Variants in ASAP2 observed in about 807,000 individuals in gnomAD.
ASAP2 encodes the protein arf-GAP with SH3 domain, ANK repeat and PH domain-containing protein 2.
In ASAP2, 45 loss-of-function variants were observed where a neutral mutation model predicts 131.4. That is an observed-to-expected ratio of 0.34 (90% CI 0.27 to 0.44). The LOEUF (loss-of-function observed/expected upper bound fraction) is 0.44. Ranked by LOEUF, ASAP2 falls within the 20% of genes least tolerant of loss-of-function variation. ASAP2 has a pLI of 1.00. For missense variants in ASAP2, 1,011 were observed against 1,297.0 expected, an observed-to-expected ratio of 0.78 and a Z score of 3.39; for synonymous variants, 510 against 503.0, an observed-to-expected ratio of 1.01 and a Z score of -0.19.
intron 1 of ASAP2, among the ~76,000 whole-genome samples, chr2:9,265,907 G>A (rs1665907197): frequency 6.6e-6 from 1 of 152,114 alleles, no homozygotes; most frequent in African/African-American, 2.4e-5. Context: ...CGAGTAGCTG[G>A]GATTACAGGC....
At chr2:9,279,036 TGG>T (rs1411260963) in intron 1 of ASAP2, among the ~76,000 whole-genome samples, 1 of 152,016 alleles carries the variant, frequency 6.6e-6, no homozygotes, top group Admixed American at 6.6e-5. Context: ...GCAGGTGCTG[TGG>T]GCAGGAGACA....
At chr2:9,208,310 T>G (rs1661282578) in intron 1 of ASAP2, among the ~76,000 whole-genome samples, 1 of 114,320 alleles carries the variant, frequency 8.7e-6, no homozygotes, top group South Asian at 3.0e-4. Context: ...GCAGGTGTTT[T>G]AGCAGAAGAC....
intron 16 of ASAP2, among the ~76,000 whole-genome samples, chr2:9,370,295 G>A (rs1313863542): frequency 2.0e-5 from 3 of 152,208 alleles, no homozygotes; most frequent in African/African-American, 7.2e-5. Context: ...AGTCTTTCAG[G>A]TATCAGGTAT....
intron 1 of ASAP2, among the ~76,000 whole-genome samples, chr2:9,236,572 T>G (rs903851442): frequency 9.2e-5 from 14 of 152,210 alleles, no homozygotes; most frequent in Non-Finnish European, 2.1e-4. Flanking sequence ...GTATAAACAT[T>G]CTTAATGTCT....
chr2:9,335,750 A>G (rs1671164207), intron 9 of ASAP2, among the ~76,000 whole-genome samples: 1 of 152,154 alleles, frequency 6.6e-6, no homozygotes, highest in African/African-American at 2.4e-5. Context: ...TGTTGTGGGG[A>G]CTTGTTTTTA....
At chr2:9,260,815 G>A (rs776253085) in intron 1 of ASAP2, among the ~76,000 whole-genome samples, 2 of 152,184 alleles carry the variant, frequency 1.3e-5, no homozygotes, top group African/African-American at 2.4e-5. Context: ...CCTCTGAAAA[G>A]CCCAGGAAGA....
intron 7 of ASAP2, among the ~76,000 whole-genome samples, chr2:9,328,499 C>T (rs1015427366): frequency 3.3e-5 from 5 of 152,150 alleles, no homozygotes; most frequent in Non-Finnish European, 5.9e-5. Context: ...AGAAATGATA[C>T]GATGTTAATG....
At chr2:9,391,850 T>G (rs1406988378) in intron 23 of ASAP2, among the ~76,000 whole-genome samples, 1 of 151,728 alleles carries the variant, frequency 6.6e-6, no homozygotes, top group Non-Finnish European at 1.5e-5. Context: ...CTCCCAGAGT[T>G]CTGGGATTAC....
chr2:9,234,694 C>G (rs1663415518), intron 1 of ASAP2, among the ~76,000 whole-genome samples: 1 of 152,122 alleles, frequency 6.6e-6, no homozygotes. Flanking sequence ...GATGGATTTA[C>G]TCAGGGTTCA....
At chr2:9,378,756 A>G (rs963578572) in intron 18 of ASAP2, among the ~76,000 whole-genome samples, 188 bp from the exon 19 acceptor site, 8 of 152,186 alleles carry the variant, frequency 5.3e-5, no homozygotes, top group Admixed American at 6.5e-5. Context: ...ACCTTCTGCT[A>G]AGGCTTCCCC....
At chr2:9,328,868 T>A (rs76600376) in intron 7 of ASAP2, among the ~76,000 whole-genome samples, 1 of 152,202 alleles carries the variant, frequency 6.6e-6, no homozygotes, top group Non-Finnish European at 1.5e-5. Context: ...AATTTCTAAT[T>A]AGATGTTTAC....
intron 15 of ASAP2, among the ~76,000 whole-genome samples, chr2:9,361,974 CGTGTGTGTGTGTGTGTGTGTGT>C (rs70948815): frequency 7.0e-6 from 1 of 143,172 alleles, no homozygotes; most frequent in Non-Finnish European, 1.5e-5. Context: ...TCTTTCTCTG[CGTGTGTGTGTGTGTGTGTGTGT>C]GTGTGTGTGT....
At chr2:9,296,416 C>T (rs923278561) in intron 2 of ASAP2, among the ~76,000 whole-genome samples, 19 of 152,188 alleles carry the variant, frequency 1.2e-4, no homozygotes, top group Admixed American at 3.3e-4. Flanking sequence ...ATGCATTTGG[C>T]GTCCAGCAGG....
intron 24 of ASAP2, among the ~76,000 whole-genome samples, chr2:9,394,159 CTTTTTTTTTTT>C (rs71389241): frequency 6.1e-5 from 5 of 81,742 alleles, no homozygotes; most frequent in South Asian, 4.9e-4. Flanking sequence ...TAGTTTGTGG[CTTTTTTTTTTT>C]TTTTTTTTTT....
intron 3 of ASAP2, among the ~76,000 whole-genome samples, chr2:9,300,161 A>T (rs1440372545): frequency 6.6e-6 from 1 of 152,238 alleles, no homozygotes; most frequent in African/African-American, 2.4e-5. Flanking sequence ...TAAGCCCAGG[A>T]AGCGGAGATT....
chr2:9,390,979 C>T (rs569983776), intron 22 of ASAP2, 83 bp from the exon 23 acceptor site: 11 of 1,599,674 alleles, frequency 6.9e-6, no homozygotes, highest in Admixed American at 3.3e-5. Flanking sequence ...GGATCAATAA[C>T]GCAGTGTTCT....
intron 19 of ASAP2, 124 bp downstream of exon 19, chr2:9,379,183 A>T: frequency 1.9e-6 from 1 of 530,330 alleles, no homozygotes; most frequent in Non-Finnish European, 3.1e-6. Context: ...TGCCAAAGAG[A>T]AGGAGAACCT....
At chr2:9,340,701 G>C (rs1357454640) in intron 9 of ASAP2, among the ~76,000 whole-genome samples, 1 of 152,206 alleles carries the variant, frequency 6.6e-6, no homozygotes, top group Admixed American at 6.5e-5. Context: ...TCTGGACACT[G>C]ACTTTCTAAG....
At chr2:9,214,812 G>GC (rs1332710379) in intron 1 of ASAP2, among the ~76,000 whole-genome samples, 2 of 150,148 alleles carry the variant, frequency 1.3e-5, no homozygotes, top group African/African-American at 4.9e-5. Context: ...AACAGGACTA[G>GC]CTCCTTCCTT....
Sources: allele counts gnomAD v4.1 joint callset (sites outside exome capture counted in the v4.1 genomes callset), GRCh38; gene constraint gnomAD v4.1.1; transcripts MANE v1.5; gene names NCBI Gene and HGNC (gene_info 2026-07-23, HGNC 2026-07-21).